RNF212: variants seen among roughly 807,000 people sequenced by gnomAD.
The protein encoded by RNF212 is ring finger protein 212, also known as probable E3 SUMO-protein ligase RNF212.
A neutral mutation model predicts 34.7 loss-of-function variants in RNF212; 33 were observed. That is an observed-to-expected ratio of 0.95 (90% confidence interval 0.72 to 1.27). RNF212 has a LOEUF of 1.27. Among genes scored for constraint, RNF212 ranks in the 50% most tolerant of loss-of-function variants. The probability of loss-of-function intolerance (pLI) is 0.00; values close to 1 mark genes in which losing one functional copy is unlikely to be tolerated. For missense variants in RNF212, 377 were observed against 362.2 expected, an observed-to-expected ratio of 1.04 and a Z score of -0.33; for synonymous variants, 140 against 136.1, an observed-to-expected ratio of 1.03 and a Z score of -0.20.
intron 1 of RNF212, among the ~76,000 whole-genome samples, chr4:1,109,086 C>A (rs1428548182): frequency 2.7e-5 from 4 of 150,660 alleles, no homozygotes; most frequent in Admixed American, 6.6e-5. Flanking sequence ...TGGCTCACTG[C>A]AACCTCCACC....
intron 4 of RNF212, among the ~76,000 whole-genome samples, chr4:1,089,277 T>C (rs1721817591): frequency 6.6e-6 from 1 of 152,186 alleles, no homozygotes; most frequent in African/African-American, 2.4e-5. Flanking sequence ...ATGTGAGACA[T>C]TGGGTAAAAG....
At chr4:1,093,582 A>T (rs1021861007) in intron 3 of RNF212, 1 of 1,536,070 alleles carries the variant, frequency 6.5e-7, no homozygotes, top group Non-Finnish European at 8.7e-7. Context: ...CACGAGAGGC[A>T]GAGCAGACAG....
intron 3 of RNF212, among the ~76,000 whole-genome samples, chr4:1,066,286 T>C (rs1486610525): frequency 2.0e-5 from 3 of 152,194 alleles, no homozygotes; most frequent in Non-Finnish European, 4.4e-5. Flanking sequence ...CATGTGCTTA[T>C]TGATCATTTG....
chr4:1,072,993 C>T lies in RNF212; in HGVS notation c.775G>A (p.Val259Ile), dbSNP rs1718678815. ...NSKTLPIYAE[V>I]QRAVLFPFQQ... ...AACGGAAACAAGACGGCCCTTTGTA[C>T]CTCAGCATATATTGGAAGTGTTTTA... Residue 259 changes from valine to isoleucine, a missense_variant, in exon 10 of 10, where the codon GTA (valine) becomes ATA (isoleucine). Physicochemically the swap from Val to Ile is conservative, Grantham distance 29. Coordinates refer to ENST00000433731, the MANE Select transcript of RNF212 (RefSeq NM_001131034.4). 6.2e-7 allele frequency: 1 copy of T among 1,614,162 alleles called. No individual in the cohort carries two copies. The highest frequency in any genetic ancestry group is 8.5e-7 in the Non-Finnish European group (1 of 1,180,032).
intron 3 of RNF212, chr4:1,093,313 T>C: frequency 2.1e-6 from 2 of 962,214 alleles, no homozygotes; most frequent in Non-Finnish European, 2.8e-6. Flanking sequence ...CTGAGACAAA[T>C]CTAAAAGTAT....
Position 1,113,365 on chromosome 4 carries a change from G to A in RNF212, c.100C>T (p.Leu34Phe), listed in dbSNP as rs375409179. The A allele has an allele frequency of 9.5e-6, 15 of 1,576,600 alleles. No homozygotes were observed. The African/African-American group carries it at 1.6e-4, about 17-fold the overall frequency. The change falls in exon 1 of 10, where the codon CTC becomes TTC. Residue 34 changes from leucine to phenylalanine, a missense_variant. Leu to Phe is a conservative substitution (Grantham distance 22). Transcript: ENST00000433731. Reference protein sequence around the residue: ...NCGHVYCDACLGKGKKNECLI... With the variant: ...NCGHVYCDACFGKGKKNECLI... ...TTCGGGAAGCCCTGACCTTTGCCGA[G>A]GCAGGCGTCGCAGTACACGTGCCCG...
chr4:1,094,627 A>C (rs977682539), intron 3 of RNF212, among the ~76,000 whole-genome samples: 1 of 151,998 alleles, frequency 6.6e-6, no homozygotes. Context: ...CAGCTGCCAG[A>C]AGGGGGGCCC....
intron 5 of RNF212, chr4:1,081,971 C>A (rs978370087): frequency 1.6e-5 from 5 of 309,474 alleles, no homozygotes; most frequent in Admixed American, 4.8e-5. Flanking sequence ...CACTAAGAGG[C>A]CAGCCATGGT....
Position 1,079,514 on chromosome 4 carries a change from C to T in RNF212, c.510+129G>A, listed in dbSNP as rs143488908. On this transcript the variant is annotated intron_variant, in intron 8 of 9. Transcript: ENST00000433731. Reference sequence around the variant, plus strand: ...ACCCCTCTCACCCACGGGACCAGCACACGAAGCAGCAGCACTGTGCAAAGT... The same window carrying T: ...ACCCCTCTCACCCACGGGACCAGCATACGAAGCAGCAGCACTGTGCAAAGT... The T allele has an allele frequency of 5.7e-3, 4,247 of 738,992 alleles. 151 individuals carry two copies. Among genetic ancestry groups the T allele is most frequent in the South Asian group, 0.053 (3,559 of 67,246 alleles). 45.8% of individuals were successfully genotyped at this position (738,992 alleles called of 1,614,324 possible).
chr4:1,107,078 G>A (rs185200823), intron 2 of RNF212, among the ~76,000 whole-genome samples: 2 of 151,218 alleles, frequency 1.3e-5, no homozygotes, highest in African/African-American at 4.9e-5. Context: ...TTTAGACTGA[G>A]TCTTGCTCTG....
chr4:1,097,071 G>A (rs1723181233), intron 2 of RNF212, among the ~76,000 whole-genome samples: 1 of 152,314 alleles, frequency 6.6e-6, no homozygotes, highest in East Asian at 1.9e-4. Context: ...GGGCCAGGAG[G>A]CAGAGCAGCC....
intron 1 of RNF212, among the ~76,000 whole-genome samples, chr4:1,109,065 T>C (rs1383940828): frequency 6.8e-6 from 1 of 148,108 alleles, no homozygotes; most frequent in Non-Finnish European, 1.5e-5. Flanking sequence ...GGGAGTGTAA[T>C]GACGCGATCT....
chr4:1,110,728 C>T (rs1725527325), intron 1 of RNF212, among the ~76,000 whole-genome samples: 1 of 152,214 alleles, frequency 6.6e-6, no homozygotes, highest in East Asian at 1.9e-4. Flanking sequence ...TAAACAAGGG[C>T]TTCCCTCTGA....
intron 3 of RNF212, among the ~76,000 whole-genome samples, chr4:1,059,233 C>G (rs998919292): frequency 6.6e-6 from 1 of 152,204 alleles, no homozygotes; most frequent in Non-Finnish European, 1.5e-5. Context: ...TGTCTTTGCC[C>G]CGGGGCTGTG....
chr4:1,087,530 GTGACAGGACAGGGGAGAGGC>G (rs1361479632), intron 4 of RNF212, among the ~76,000 whole-genome samples: 2 of 140,644 alleles, frequency 1.4e-5, no homozygotes, highest in African/African-American at 2.7e-5. Flanking sequence ...AGGTGGGGGG[GTGACAGGACAGGGGAGAGGC>G]TGACAGGACA....
chr4:1,103,822 T>C (rs1352476746), intron 2 of RNF212, among the ~76,000 whole-genome samples: 1 of 152,114 alleles, frequency 6.6e-6, no homozygotes, highest in Non-Finnish European at 1.5e-5. Context: ...ATTAGGAAAA[T>C]GACGAGGGCG....
downstream of RNF212, among the ~76,000 whole-genome samples, chr4:1,070,617 T>C (rs1352114189): frequency 6.6e-6 from 1 of 151,060 alleles, no homozygotes; most frequent in African/African-American, 2.4e-5. Flanking sequence ...TTGTGGGTGG[T>C]TTTGTAGGAC....
chr4:1,085,560 C>T (rs1433653223), intron 5 of RNF212: 17 of 390,538 alleles, frequency 4.4e-5, no homozygotes, highest in Non-Finnish European at 4.6e-5. Context: ...TCCCGCAGTC[C>T]CTGGCTGCAG....
chr4:1,059,233 C>T (rs998919292), intron 3 of RNF212, among the ~76,000 whole-genome samples: 2 of 152,204 alleles, frequency 1.3e-5, no homozygotes, highest in Admixed American at 1.3e-4. Context: ...TGTCTTTGCC[C>T]CGGGGCTGTG....
Sources: allele counts gnomAD v4.1 joint callset (sites outside exome capture counted in the v4.1 genomes callset), GRCh38; gene constraint gnomAD v4.1.1; transcripts MANE v1.5; gene names NCBI Gene and HGNC (gene_info 2026-07-23, HGNC 2026-07-21).